ATRNL1: variants seen among roughly 807,000 people sequenced by gnomAD.
ATRNL1 encodes the protein attractin like 1, also known as attractin-like protein 1.
ATRNL1 carries 95 observed loss-of-function variants against 182.7 expected under a neutral mutation model. The ratio of observed to expected loss-of-function variants is 0.52; its 90% CI spans 0.44 to 0.62. ATRNL1 has a LOEUF of 0.62. Among genes scored for constraint, ATRNL1 ranks in the 20% least tolerant of loss-of-function variants. The pLI is 0.00. For synonymous variants in ATRNL1, 576 were observed against 568.3 expected, an observed-to-expected ratio of 1.01 and a Z score of -0.19; for missense variants, 1,471 against 1,679.5, an observed-to-expected ratio of 0.88 and a Z score of 2.17.
chr10:115,553,174 G>C (rs1311953069), intron 26 of ATRNL1, among the ~76,000 whole-genome samples: 1 of 151,204 alleles, frequency 6.6e-6, no homozygotes, highest in East Asian at 1.9e-4. Flanking sequence ...TGGCTATCGT[G>C]TGAAAATATG....
chr10:115,909,151 A>G (rs1952591397), intron 28 of ATRNL1, among the ~76,000 whole-genome samples: 1 of 150,346 alleles, frequency 6.7e-6, no homozygotes, highest in Admixed American at 6.7e-5. Flanking sequence ...CTCTCCCCCT[A>G]GGCGCAATCC....
intron 1 of ATRNL1, among the ~76,000 whole-genome samples, chr10:115,103,869 G>T (rs1417940799): frequency 1.3e-5 from 2 of 152,116 alleles, no homozygotes; most frequent in African/African-American, 4.8e-5. Flanking sequence ...TGAATGACAG[G>T]ATATCATTCT....
At chr10:115,645,325 GA>G (rs1182435397) in intron 26 of ATRNL1, among the ~76,000 whole-genome samples, 2 of 149,142 alleles carry the variant, frequency 1.3e-5, no homozygotes, top group African/African-American at 2.5e-5. Flanking sequence ...ATTGTTTCTT[GA>G]AAAAAAATTT....
intron 25 of ATRNL1, among the ~76,000 whole-genome samples, chr10:115,545,537 T>C (rs1554993442): frequency 6.6e-6 from 1 of 152,154 alleles, no homozygotes; most frequent in African/African-American, 2.4e-5. Context: ...TTGTATATTT[T>C]ATGTTGTCCT....
chr10:115,594,476 T>G (rs550475090), intron 26 of ATRNL1, among the ~76,000 whole-genome samples: 2 of 152,186 alleles, frequency 1.3e-5, no homozygotes, highest in Non-Finnish European at 2.9e-5. Context: ...AACTGTAGGA[T>G]AAGAAAATAA....
At chr10:115,848,145 T>A (rs1248255396) in intron 28 of ATRNL1, among the ~76,000 whole-genome samples, 154 bp downstream of exon 28, 1 of 152,174 alleles carries the variant, frequency 6.6e-6, no homozygotes, top group Non-Finnish European at 1.5e-5. Context: ...TTTACCCAAC[T>A]ATCTAGATAC....
chr10:115,544,765 C>G (rs1554993161), intron 25 of ATRNL1, among the ~76,000 whole-genome samples: 1 of 152,152 alleles, frequency 6.6e-6, no homozygotes, highest in African/African-American at 2.4e-5. Flanking sequence ...TTCACATGGT[C>G]ATTTAAGAAA....
intron 26 of ATRNL1, among the ~76,000 whole-genome samples, chr10:115,703,083 T>G (rs977202400): frequency 6.6e-6 from 1 of 151,734 alleles, no homozygotes; most frequent in Admixed American, 6.6e-5. Context: ...TGGAACAAGA[T>G]AGAGATCGCA....
chr10:115,283,094 A>G (rs1416644493), intron 14 of ATRNL1, among the ~76,000 whole-genome samples: 4 of 152,264 alleles, frequency 2.6e-5, no homozygotes, highest in Admixed American at 2.6e-4. Context: ...TTAATGTGAT[A>G]AAAATCAAAA....
At chr10:115,851,792 T>C (rs1171202040) in intron 28 of ATRNL1, among the ~76,000 whole-genome samples, 2 of 152,136 alleles carry the variant, frequency 1.3e-5, no homozygotes, top group Non-Finnish European at 2.9e-5. Flanking sequence ...AAGGTGGGAT[T>C]TATGCTGTTG....
chr10:115,245,114 G>A (rs114550802), intron 10 of ATRNL1, among the ~76,000 whole-genome samples: 1,788 of 151,992 alleles, frequency 0.012, 34 homozygotes, highest in African/African-American at 0.04. Context: ...TTTTTATTTG[G>A]GAAAGTAATA....
chr10:115,710,589 A>G (rs1354288314), intron 26 of ATRNL1, among the ~76,000 whole-genome samples: 4 of 152,184 alleles, frequency 2.6e-5, no homozygotes, highest in Non-Finnish European at 5.9e-5. Context: ...TTGAGAAGAC[A>G]GAGAGAATAG....
At chr10:115,899,390 C>G (rs1555113204) in intron 28 of ATRNL1, among the ~76,000 whole-genome samples, 1 of 152,102 alleles carries the variant, frequency 6.6e-6, no homozygotes, top group Non-Finnish European at 1.5e-5. Flanking sequence ...CTCACCGCAA[C>G]CTCCACCTCC....
chr10:115,394,436 T>G (rs1844186897), intron 19 of ATRNL1, among the ~76,000 whole-genome samples: 1 of 151,924 alleles, frequency 6.6e-6, no homozygotes, highest in African/African-American at 2.4e-5. Context: ...ACAGTAGACT[T>G]CAGGATATCC....
chr10:115,621,308 G>T (rs1857752746), intron 26 of ATRNL1, among the ~76,000 whole-genome samples: 2 of 123,096 alleles, frequency 1.6e-5, no homozygotes, highest in East Asian at 4.5e-4. Context: ...GAGAGAGAGA[G>T]AGAGAGTGTG....
At chr10:115,128,705 TAGTCCC>T (rs1230979063) in intron 4 of ATRNL1, among the ~76,000 whole-genome samples, 1 of 151,900 alleles carries the variant, frequency 6.6e-6, no homozygotes, top group Non-Finnish European at 1.5e-5. Context: ...CGGGCGCCTG[TAGTCCC>T]AGCTACTCGG....
At chr10:115,932,724 A>C (rs2134597153) in intron 28 of ATRNL1, among the ~76,000 whole-genome samples, 1 of 152,346 alleles carries the variant, frequency 6.6e-6, no homozygotes, top group Middle Eastern at 3.4e-3. Context: ...ACTTTTAAAA[A>C]TATTGACTGC....
In ATRNL1 at chr10:115,354,880, A is replaced by G. The variant is rs564120881; in HGVS notation, c.3175+20461A>G. Among the ~76,000 whole-genome samples, 86 of 151,386 alleles carry G rather than the reference A, an allele frequency of 5.7e-4. No individual in the cohort carries two copies. The South Asian group carries it at 0.016, about 28-fold the overall frequency. ...CTGTAATCATATTTTATTCTTTTTT[A>G]TTCTTTTAAATCTATTTTCATATAG... On this transcript the variant is annotated intron_variant, in intron 19 of 28. Coordinates refer to ENST00000355044, the MANE Select transcript of ATRNL1 (RefSeq NM_207303.4).
chr10:115,374,367 A>AT (rs1440470151), intron 19 of ATRNL1, among the ~76,000 whole-genome samples: 1 of 148,412 alleles, frequency 6.7e-6, no homozygotes, highest in Non-Finnish European at 1.5e-5. Flanking sequence ...TTTTGCTGTG[A>AT]TTTTTATTAT....
Sources: allele counts gnomAD v4.1 joint callset (sites outside exome capture counted in the v4.1 genomes callset), GRCh38; gene constraint gnomAD v4.1.1; transcripts MANE v1.5; gene names NCBI Gene and HGNC (gene_info 2026-07-23, HGNC 2026-07-21).